Variants in PPP6R3 observed in about 807,000 individuals in gnomAD.
PPP6R3 encodes the protein protein phosphatase 6 regulatory subunit 3.
A neutral mutation model predicts 110.7 loss-of-function variants in PPP6R3; 38 were observed. That is an observed-to-expected ratio of 0.34 (90% confidence interval 0.26 to 0.45). The LOEUF (loss-of-function observed/expected upper bound fraction) is 0.45, where lower values mean the gene tolerates loss of function less well. Among genes scored for constraint, PPP6R3 ranks in the 20% least tolerant of loss-of-function variants. The probability of loss-of-function intolerance (pLI) is 1.00; values close to 1 mark genes in which losing one functional copy is unlikely to be tolerated. For missense variants in PPP6R3, 870 were observed against 1,062.4 expected, an observed-to-expected ratio of 0.82 and a Z score of 2.52; for synonymous variants, 369 against 373.5, an observed-to-expected ratio of 0.99 and a Z score of 0.14.
intron 18 of PPP6R3, among the ~76,000 whole-genome samples, chr11:68,594,094 G>A (rs780846886): frequency 6.6e-6 from 1 of 152,086 alleles, no homozygotes; most frequent in Non-Finnish European, 1.5e-5. Flanking sequence ...CTAAGAAAAA[G>A]CCAGAAGGTC....
At chr11:68,558,364 G>T (rs2099407175) in intron 7 of PPP6R3, 1 of 366,792 alleles carries the variant, frequency 2.7e-6, no homozygotes, top group Admixed American at 4.8e-5. Flanking sequence ...GTGAGTGAGT[G>T]TGTTTGTGTG....
intron 2 of PPP6R3, among the ~76,000 whole-genome samples, chr11:68,528,439 G>GT (rs974420980): frequency 2.7e-5 from 4 of 145,740 alleles, no homozygotes; most frequent in East Asian, 4.3e-4. Flanking sequence ...TGTGTGGGGG[G>GT]GGGGGCTGCA....
intron 16 of PPP6R3, 149 bp from the exon 17 acceptor site, chr11:68,590,511 A>T: frequency 1.2e-6 from 1 of 860,068 alleles, no homozygotes; most frequent in Non-Finnish European, 1.7e-6. Flanking sequence ...GGCATCATTT[A>T]ATATAAGAAG....
Position 68,613,351 on chromosome 11 carries a change from T to C in PPP6R3, c.*234T>C. 1 of 1,259,788 alleles carries C rather than the reference T, an allele frequency of 7.9e-7. No homozygotes were observed. The highest frequency in any genetic ancestry group is 1.0e-6 in the Non-Finnish European group (1 of 1,002,196). 78.0% of individuals were successfully genotyped at this position (1,259,788 alleles called of 1,614,324 possible). ...TTTTGCGTATGTTTATATTGTATTG[T>C]TCTAAATAATGGGTAGCCTGTGAAA... On this transcript the variant is annotated 3_prime_UTR_variant, in exon 24 of 24. Transcript: ENST00000393800.
intron 4 of PPP6R3, among the ~76,000 whole-genome samples, chr11:68,545,572 T>G (rs1346052231): frequency 6.6e-6 from 1 of 152,034 alleles, no homozygotes; most frequent in Non-Finnish European, 1.5e-5. Context: ...CTATCCAGTG[T>G]GGTTTGACAG....
chr11:68,600,530 G>A (rs1389283103), intron 20 of PPP6R3, 36 bp downstream of exon 20: 12 of 1,579,464 alleles, frequency 7.6e-6, no homozygotes, highest in African/African-American at 1.4e-5. Flanking sequence ...ACCCTTCCAC[G>A]GGGGACCTGG....
At chr11:68,553,890 A>G (rs2099390003) in intron 6 of PPP6R3, among the ~76,000 whole-genome samples, 1 of 152,114 alleles carries the variant, frequency 6.6e-6, no homozygotes, top group Non-Finnish European at 1.5e-5. Flanking sequence ...ACTATTTTAG[A>G]AATTTTTCCT....
intron 23 of PPP6R3, 141 bp downstream of exon 23, chr11:68,610,164 TCA>T: frequency 8.4e-7 from 1 of 1,188,868 alleles, no homozygotes; most frequent in South Asian, 1.6e-5. Context: ...CAGGGTTTTC[TCA>T]GTCCTTAATG....
At chr11:68,510,100 C>T (rs1230042192) in intron 1 of PPP6R3, among the ~76,000 whole-genome samples, 1 of 108,768 alleles carries the variant, frequency 9.2e-6, no homozygotes, top group Non-Finnish European at 1.7e-5. Flanking sequence ...AGGTGGGGGT[C>T]TCACCATGTT....
intron 23 of PPP6R3, among the ~76,000 whole-genome samples, chr11:68,610,863 C>A (rs1943055617): frequency 6.6e-6 from 1 of 151,490 alleles, no homozygotes; most frequent in Non-Finnish European, 1.5e-5. Context: ...CCATCCTCCC[C>A]CAAATCTTGC....
chr11:68,537,313 AT>A (rs1466460108), intron 2 of PPP6R3, among the ~76,000 whole-genome samples: 2 of 152,088 alleles, frequency 1.3e-5, no homozygotes, highest in African/African-American at 4.8e-5. Context: ...GTTGCTGAAG[AT>A]ATTCTGTTTT....
intron 2 of PPP6R3, among the ~76,000 whole-genome samples, chr11:68,520,833 G>A (rs1229683572): frequency 6.6e-6 from 1 of 152,124 alleles, no homozygotes; most frequent in East Asian, 1.9e-4. Flanking sequence ...GTGTAGTGGT[G>A]CGATCTCGGC....
chr11:68,598,738 T>G (rs892406639), intron 19 of PPP6R3, among the ~76,000 whole-genome samples: 1 of 152,152 alleles, frequency 6.6e-6, no homozygotes, highest in Non-Finnish European at 1.5e-5. Flanking sequence ...GAAAAGTCAT[T>G]TGTGTGTAAT....
chr11:68,559,408 G>T (rs916279542), intron 8 of PPP6R3, among the ~76,000 whole-genome samples: 1 of 152,150 alleles, frequency 6.6e-6, no homozygotes, highest in Admixed American at 6.5e-5. Context: ...TAAGTTTTCC[G>T]GGATTGTGTG....
At chr11:68,600,257 T>C in intron 19 of PPP6R3, 84 bp from the exon 20 acceptor site, 3 of 1,460,732 alleles carry the variant, frequency 2.1e-6, no homozygotes, top group East Asian at 2.3e-5. Flanking sequence ...CCAGTCTCTT[T>C]TGCTAATGTG....
chr11:68,477,768 A>G (rs1325023413), intron 1 of PPP6R3, among the ~76,000 whole-genome samples: 24 of 141,928 alleles, frequency 1.7e-4, no homozygotes, highest in African/African-American at 6.0e-4. Flanking sequence ...ATATATATAT[A>G]TATAATTTCC....
chr11:68,486,603 TAAAA>T (rs61408861), intron 1 of PPP6R3, among the ~76,000 whole-genome samples: 5 of 111,676 alleles, frequency 4.5e-5, no homozygotes, highest in African/African-American at 1.0e-4. Context: ...GACTCTGTCT[TAAAA>T]AAAAAAAAAA....
chr11:68,611,170 T>G (rs540493724), intron 23 of PPP6R3, among the ~76,000 whole-genome samples: 1 of 152,038 alleles, frequency 6.6e-6, no homozygotes, highest in Admixed American at 6.5e-5. Context: ...GTCACTCTCT[T>G]TCTTGGGGTT....
chr11:68,508,463 A>G (rs777740989), intron 1 of PPP6R3, among the ~76,000 whole-genome samples: 6 of 152,090 alleles, frequency 3.9e-5, no homozygotes, highest in Non-Finnish European at 5.9e-5. Flanking sequence ...TAGTGTCCAT[A>G]TAAGAGTGAT....
Sources: gnomAD v4.1 joint callset for allele counts (sites outside exome capture counted in the v4.1 genomes callset) on GRCh38, gnomAD v4.1.1 for gene constraint, MANE v1.5 for transcripts, NCBI Gene and HGNC (gene_info 2026-07-23, HGNC 2026-07-21) for gene names.